The following TFDP2 variants were observed in gnomAD, a reference collection of about 807,000 sequenced individuals.
TFDP2 encodes the protein transcription factor Dp-2 (E2F dimerization partner 2).
Under a neutral mutation model 59.3 loss-of-function variants are expected in TFDP2, and 17 were observed. The observed-to-expected ratio is 0.29, with a 90% CI of 0.20 to 0.43. The LOEUF is 0.43. Among genes scored for constraint, TFDP2 ranks in the 20% least tolerant of loss-of-function variants. TFDP2 has a pLI of 1.00. For synonymous variants in TFDP2, 180 were observed against 194.7 expected (o/e 0.92, Z 0.63); for missense variants, 391 against 528.8 (o/e 0.74, Z 2.56).
At chr3:142,006,643 AT>A (rs1410730010) in intron 3 of TFDP2, among the ~76,000 whole-genome samples, 1 of 151,484 alleles carries the variant, frequency 6.6e-6, no homozygotes, top group Non-Finnish European at 1.5e-5. Context: ...TAACTTTTTT[AT>A]TTTGTAGAGA....
At chr3:142,103,399 T>C (rs1371129547) in intron 1 of TFDP2, among the ~76,000 whole-genome samples, 1 of 152,182 alleles carries the variant, frequency 6.6e-6, no homozygotes, top group Non-Finnish European at 1.5e-5. Context: ...TGGATAATAG[T>C]ATTGTTTCAA....
intron 7 of TFDP2, among the ~76,000 whole-genome samples, chr3:141,978,286 A>G (rs1941010215): frequency 7.7e-6 from 1 of 130,320 alleles, no homozygotes. Context: ...CAGAGGTTGC[A>G]GTGAGCCGAG....
intron 8 of TFDP2, among the ~76,000 whole-genome samples, chr3:141,973,123 A>ATATATATATATATATTTTTTTT: frequency 2.9e-4 from 17 of 58,016 alleles, no homozygotes; most frequent in Non-Finnish European, 6.0e-4. Flanking sequence ...ATATATATAT[A>ATATATATATATATATTTTTTTT]TTTTTTTTTT....
At chr3:142,095,987 A>C (rs2061149876) in intron 2 of TFDP2, among the ~76,000 whole-genome samples, 1 of 152,180 alleles carries the variant, frequency 6.6e-6, no homozygotes, top group Non-Finnish European at 1.5e-5. Flanking sequence ...AACTAAAACC[A>C]CATATTCATA....
At chr3:142,009,533 G>A (rs1011239290) in intron 3 of TFDP2, among the ~76,000 whole-genome samples, 11 of 151,916 alleles carry the variant, frequency 7.2e-5, no homozygotes, top group African/African-American at 2.2e-4. Flanking sequence ...CCAACATGGC[G>A]AAACCCTGTC....
intron 1 of TFDP2, among the ~76,000 whole-genome samples, chr3:142,118,867 A>G (rs2061937631): frequency 6.6e-6 from 1 of 152,198 alleles, no homozygotes; most frequent in African/African-American, 2.4e-5. Flanking sequence ...ACTAATATTA[A>G]AAGTACATTC....
intron 1 of TFDP2, chr3:142,126,520 G>A (rs1355281463): frequency 6.6e-6 from 1 of 151,800 alleles, no homozygotes; most frequent in Non-Finnish European, 1.5e-5. Flanking sequence ...ACCATTAGTA[G>A]AAATGCACAC....
chr3:142,124,407 A>G (rs1022044181), intron 1 of TFDP2, among the ~76,000 whole-genome samples: 2 of 152,224 alleles, frequency 1.3e-5, no homozygotes, highest in Non-Finnish European at 2.9e-5. Flanking sequence ...AGAAAAGTAT[A>G]GGAAAAGACC....
At chr3:142,038,949 T>C (rs1396609152) in intron 3 of TFDP2, among the ~76,000 whole-genome samples, 4 of 152,218 alleles carry the variant, frequency 2.6e-5, no homozygotes, top group Admixed American at 2.6e-4. Context: ...CTTTACTTTA[T>C]TAAGATAAAT....
intron 3 of TFDP2, among the ~76,000 whole-genome samples, chr3:142,010,520 A>G (rs944387150): frequency 3.3e-5 from 5 of 151,552 alleles, no homozygotes; most frequent in Non-Finnish European, 5.9e-5. Context: ...GAGGCAGGAG[A>G]ATCGCTTGAA....
chr3:141,985,566 T>G (rs544760334), intron 6 of TFDP2, among the ~76,000 whole-genome samples: 1 of 151,676 alleles, frequency 6.6e-6, no homozygotes, highest in Admixed American at 6.6e-5. Context: ...CTTCATAGAT[T>G]TTCTATATGC....
intron 6 of TFDP2, among the ~76,000 whole-genome samples, chr3:141,989,890 A>ATT (rs1559983574): frequency 2.0e-5 from 3 of 147,318 alleles, no homozygotes; most frequent in African/African-American, 7.7e-5. Flanking sequence ...TAATAATAAT[A>ATT]ATAATTATTA....
intron 10 of TFDP2, among the ~76,000 whole-genome samples, chr3:141,961,075 T>A (rs1937287893): frequency 6.6e-6 from 1 of 152,114 alleles, no homozygotes; most frequent in Non-Finnish European, 1.5e-5. Context: ...ATTCCCAGAT[T>A]TTCCCATCAT....
chr3:142,070,333 G>C (rs2060206018), intron 3 of TFDP2, among the ~76,000 whole-genome samples: 1 of 151,556 alleles, frequency 6.6e-6, no homozygotes, highest in African/African-American at 2.4e-5. Flanking sequence ...CAAGTACAAT[G>C]GCACGAACAC....
intron 3 of TFDP2, among the ~76,000 whole-genome samples, chr3:142,089,292 GA>G (rs568955142): frequency 3.7e-4 from 53 of 144,476 alleles, no homozygotes; most frequent in Non-Finnish European, 5.5e-4. Context: ...TGCAACGTCT[GA>G]AAAAAAAAAT....
intron 3 of TFDP2, among the ~76,000 whole-genome samples, chr3:142,029,997 G>C (rs534422919): frequency 1.3e-5 from 2 of 152,316 alleles, no homozygotes; most frequent in East Asian, 3.9e-4. Context: ...TGGAAAGTAT[G>C]TCTTGACAAC....
intron 1 of TFDP2, among the ~76,000 whole-genome samples, chr3:142,146,325 A>G (rs1211147856): frequency 2.0e-5 from 3 of 152,186 alleles, no homozygotes; most frequent in Non-Finnish European, 4.4e-5. Flanking sequence ...AAGGAAACCA[A>G]TAGTAAAATA....
At chr3:141,973,313 C>T (rs1037166341) in intron 8 of TFDP2, among the ~76,000 whole-genome samples, 1 of 151,494 alleles carries the variant, frequency 6.6e-6, no homozygotes, top group African/African-American at 2.4e-5. Flanking sequence ...GGGGTTTTAC[C>T]ATTTTGACAC....
intron 9 of TFDP2, among the ~76,000 whole-genome samples, chr3:141,968,334 T>C (rs1207028652): frequency 7.9e-6 from 1 of 126,196 alleles, no homozygotes; most frequent in Non-Finnish European, 1.7e-5. Context: ...ATATAATATA[T>C]ATAATATATA....
Sources: allele counts gnomAD v4.1 joint callset (sites outside exome capture counted in the v4.1 genomes callset), GRCh38; gene constraint gnomAD v4.1.1; transcripts MANE v1.5; gene names NCBI Gene and HGNC (gene_info 2026-07-23, HGNC 2026-07-21).